The following TSPEAR variants were observed in gnomAD, a reference collection of about 807,000 sequenced individuals.
TSPEAR encodes thrombospondin-type laminin G domain and EAR repeat-containing protein.
In TSPEAR, 69 loss-of-function variants were observed where a neutral mutation model predicts 71.6. The ratio of observed to expected loss-of-function variants is 0.96; its 90% CI spans 0.79 to 1.18. TSPEAR has a LOEUF of 1.18. Ranked by LOEUF, TSPEAR falls within the 50% of genes most tolerant of loss-of-function variation. The pLI, the probability that TSPEAR is intolerant of heterozygous loss-of-function variation, is 0.00. For synonymous variants in TSPEAR, 402 were observed against 387.2 expected, an observed-to-expected ratio of 1.04 and a Z score of -0.45; for missense variants, 971 against 894.9, an observed-to-expected ratio of 1.09 and a Z score of -1.09.
chr21:44,661,832 C>T lies in TSPEAR; in HGVS notation c.82+49601G>A, dbSNP rs115042025. ...GGTCTCCCAAGAACTCACTCACTGT[C>T]GCAAGGACAGCACCAAGGGGATGAC... is the stretch of plus-strand genomic sequence containing the variant. On this transcript the variant is annotated intron_variant, in intron 1 of 11. Coordinates refer to ENST00000323084, the MANE Select transcript of TSPEAR (RefSeq NM_144991.3). 3.2e-3 allele frequency among the ~76,000 whole-genome samples: 492 copies of T among 152,136 alleles called. 6 individuals carry two copies. Among genetic ancestry groups the T allele is most frequent in the African/African-American group, 0.011 (461 of 41,472 alleles).
At chr21:44,551,313 G>C (rs1555918847) in intron 2 of TSPEAR, 1 of 1,613,378 alleles carries the variant, frequency 6.2e-7, no homozygotes, top group Admixed American at 1.7e-5. Flanking sequence ...ACAGCTCACT[G>C]GGGTGCAGAC....
At chr21:44,698,069 T>C (rs1255937820) in intron 1 of TSPEAR, 102 of 1,153,004 alleles carry the variant, frequency 8.8e-5, no homozygotes, top group Non-Finnish European at 1.2e-4. Flanking sequence ...TCCTTGGAGA[T>C]GCGTGCACAG....
chr21:44,612,042 G>A lies in TSPEAR; in HGVS notation c.83-44037C>T. On this transcript the variant is annotated intron_variant, in intron 1 of 11. Transcript: ENST00000323084. The surrounding 1 kb of genome is among the most constrained non-coding windows in gnomAD (Gnocchi z 4.1). ...GGAGGGTATAAAACCTCAGCAGCCA[G>A]GGCACACAAACCCACACACCTCACA... is the stretch of plus-strand genomic sequence containing the variant. 2 of 1,544,148 alleles carry A rather than the reference G, an allele frequency of 1.3e-6. No individual in the cohort carries two copies. Among genetic ancestry groups the A allele is most frequent in the Non-Finnish European group, 1.8e-6 (2 of 1,129,658 alleles).
At chr21:44,597,249 C>A (rs1198275879) in intron 1 of TSPEAR, among the ~76,000 whole-genome samples, 1 of 151,882 alleles carries the variant, frequency 6.6e-6, no homozygotes, top group African/African-American at 2.4e-5. Flanking sequence ...AGAATTGTTA[C>A]ATCTTCCTGG....
At chr21:44,682,784 G>A (rs920078206) in intron 1 of TSPEAR, among the ~76,000 whole-genome samples, 5 of 152,208 alleles carry the variant, frequency 3.3e-5, no homozygotes, top group Non-Finnish European at 5.9e-5. Flanking sequence ...TCACCAGCCG[G>A]AGTCAGAGCA....
chr21:44,562,353 C>T (rs1411235348), intron 2 of TSPEAR, among the ~76,000 whole-genome samples: 7 of 152,168 alleles, frequency 4.6e-5, no homozygotes, highest in Non-Finnish European at 7.4e-5. Flanking sequence ...AATGGAAAAA[C>T]ATTCCATCCT....
At chr21:44,631,657 C>T (rs944233578) in intron 1 of TSPEAR, among the ~76,000 whole-genome samples, 26 of 152,110 alleles carry the variant, frequency 1.7e-4, no homozygotes, top group African/African-American at 4.3e-4. Context: ...ACCTGGGAAG[C>T]GGAGGTTGCA....
chr21:44,541,383 A>T (rs1167187039), intron 2 of TSPEAR, among the ~76,000 whole-genome samples: 1 of 152,200 alleles, frequency 6.6e-6, no homozygotes, highest in Non-Finnish European at 1.5e-5. Context: ...TGTGTGGGGA[A>T]CTGGCTTACA....
At chr21:44,534,658 A>G (rs1421922941) in intron 2 of TSPEAR, among the ~76,000 whole-genome samples, 3 of 152,150 alleles carry the variant, frequency 2.0e-5, no homozygotes, top group Non-Finnish European at 4.4e-5. Flanking sequence ...GACACTGTGG[A>G]GAAACTGGAA....
intron 1 of TSPEAR, among the ~76,000 whole-genome samples, chr21:44,637,042 C>A (rs587598167): frequency 2.6e-5 from 4 of 152,208 alleles, no homozygotes; most frequent in African/African-American, 9.6e-5. Context: ...GGGCCTCCCC[C>A]AGGCTGAGGG....
intron 2 of TSPEAR, among the ~76,000 whole-genome samples, chr21:44,538,785 G>A (rs2053142662): frequency 6.6e-6 from 1 of 152,194 alleles, no homozygotes; most frequent in Admixed American, 6.5e-5. Context: ...GGAAGACCCG[G>A]GCACAGGGGC....
chr21:44,613,860 C>G (rs1219280963), intron 1 of TSPEAR, among the ~76,000 whole-genome samples: 2 of 152,086 alleles, frequency 1.3e-5, no homozygotes, highest in African/African-American at 4.8e-5. Context: ...AGGTGCGCGA[C>G]TTATGATTTT....
intron 1 of TSPEAR, chr21:44,580,750 T>G: frequency 1.4e-6 from 1 of 721,246 alleles, no homozygotes. Flanking sequence ...TCTTCCTTGT[T>G]GGTGTTTAGA....
chr21:44,582,676 C>A (rs1979063259), intron 1 of TSPEAR, among the ~76,000 whole-genome samples: 1 of 152,174 alleles, frequency 6.6e-6, no homozygotes. Flanking sequence ...TCTCAGTGTG[C>A]CTGATCTAAG....
chr21:44,633,673 A>AT (rs1438335663), intron 1 of TSPEAR, among the ~76,000 whole-genome samples: 3 of 152,150 alleles, frequency 2.0e-5, no homozygotes. Context: ...AACTGAGAAG[A>AT]ATTTGTATTC....
chr21:44,553,348 T>A (rs233243), intron 2 of TSPEAR, among the ~76,000 whole-genome samples: 29,239 of 151,840 alleles, frequency 0.19, 2,902 homozygotes, highest in East Asian at 0.37. Flanking sequence ...ATTCTAAAAA[T>A]AAAAAATGTT....
rs151111479 is a variant in TSPEAR at position 44,710,325 on chromosome 21, C to G, written c.82+1108G>C. Reference sequence around the variant, plus strand: ...CACCCAGGCAGTAATGGTTCCAGCACGGAAGGTCTACCTACCTCCCACTGC... The same window carrying G: ...CACCCAGGCAGTAATGGTTCCAGCAGGGAAGGTCTACCTACCTCCCACTGC... On this transcript the variant is annotated intron_variant, in intron 1 of 11. Transcript: ENST00000323084. This position sits in a 1 kb window ranked among gnomAD's most constrained non-coding sequence, Gnocchi z 4.6. Among the ~76,000 whole-genome samples the G allele has an allele frequency of 6.6e-6, 1 of 152,144 alleles. No individual in the cohort carries two copies. The highest frequency in any genetic ancestry group is 1.5e-5 in the Non-Finnish European group (1 of 68,010).
rs371139706 is a variant in TSPEAR at position 44,654,632 on chromosome 21, TG to T, written c.82+56800del. ...TGGCACATGATGGAGTGTGGACAGG[TG>T]GGGGGCGCAGAGGACAGGGCTGGTC... On this transcript the variant is annotated intron_variant, in intron 1 of 11. Coordinates refer to ENST00000323084, the MANE Select transcript of TSPEAR (RefSeq NM_144991.3). The T allele has an allele frequency of 1.1e-5, 16 of 1,508,318 alleles. No homozygotes were observed. The East Asian group carries it at 2.6e-4, about 25-fold the overall frequency. 93.4% of individuals were successfully genotyped at this position (1,508,318 alleles called of 1,614,324 possible).
chr21:44,575,789 G>T (rs1434388162), intron 1 of TSPEAR, among the ~76,000 whole-genome samples: 1 of 152,214 alleles, frequency 6.6e-6, no homozygotes, highest in African/African-American at 2.4e-5. Context: ...CACTGGCATG[G>T]TGGGAGGAAC....
Sources: gnomAD v4.1 joint callset for allele counts (sites outside exome capture counted in the v4.1 genomes callset) on GRCh38, gnomAD v4.1.1 for gene constraint, Gnocchi (gnomAD v3.1) non-coding constraint, MANE v1.5 for transcripts, NCBI Gene and HGNC (gene_info 2026-07-23, HGNC 2026-07-21) for gene names.